PELI2: variants seen among roughly 807,000 people sequenced by gnomAD.
PELI2 encodes E3 ubiquitin-protein ligase pellino homolog 2.
PELI2 carries 23 observed loss-of-function variants against 42.3 expected under a neutral mutation model. The ratio of observed to expected loss-of-function variants is 0.54; its 90% CI spans 0.39 to 0.77. The LOEUF (loss-of-function observed/expected upper bound fraction) is 0.77. Ranked by LOEUF, PELI2 falls within the 30% of genes least tolerant of loss-of-function variation. The pLI, the probability that PELI2 is intolerant of heterozygous loss-of-function variation, is 0.00. For synonymous variants in PELI2, 245 were observed against 212.2 expected, an observed-to-expected ratio of 1.15 and a Z score of -1.34; for missense variants, 463 against 553.2, an observed-to-expected ratio of 0.84 and a Z score of 1.64.
chr14:56,162,014 A>G lies in PELI2; in HGVS notation c.78-16321A>G, dbSNP rs190713867. Among the ~76,000 whole-genome samples, 697 of 152,182 alleles carry G rather than the reference A, an allele frequency of 4.6e-3. 1 individual carries two copies. The highest frequency in any genetic ancestry group is 0.016 in the African/African-American group (648 of 41,524). The stretch of plus-strand genomic sequence containing the variant: ...ATTTTGGTGGGTGCACAGTAGGTGT[A>G]TATATTTAGGGGTACATGAGATGTT... On this transcript the variant is annotated intron_variant, in intron 1 of 5. Coordinates refer to ENST00000267460, the MANE Select transcript of PELI2 (RefSeq NM_021255.3).
chr14:56,188,287 C>T (rs1162475632), intron 2 of PELI2, among the ~76,000 whole-genome samples: 1 of 152,204 alleles, frequency 6.6e-6, no homozygotes, highest in African/African-American at 2.4e-5. Flanking sequence ...TGCTTTGGGA[C>T]AGTCACTTGT....
chr14:56,160,273 A>G (rs1884710895), intron 1 of PELI2, among the ~76,000 whole-genome samples: 1 of 152,128 alleles, frequency 6.6e-6, no homozygotes, highest in Non-Finnish European at 1.5e-5. Flanking sequence ...AACCAAAACC[A>G]TATGGTGTTA....
intron 2 of PELI2, among the ~76,000 whole-genome samples, chr14:56,210,120 G>T (rs1279775150): frequency 6.6e-6 from 1 of 151,978 alleles, no homozygotes; most frequent in East Asian, 1.9e-4. Flanking sequence ...GGTAAATTTT[G>T]CCTGGTTCTT....
At chr14:56,187,207 T>G (rs1216258691) in intron 2 of PELI2, among the ~76,000 whole-genome samples, 3 of 152,194 alleles carry the variant, frequency 2.0e-5, no homozygotes, top group Non-Finnish European at 4.4e-5. Flanking sequence ...CTGCTCCTCA[T>G]TTTTCCACGT....
At chr14:56,271,010 C>T (rs949151945) in intron 2 of PELI2, among the ~76,000 whole-genome samples, 2 of 152,046 alleles carry the variant, frequency 1.3e-5, no homozygotes, top group Non-Finnish European at 2.9e-5. Flanking sequence ...TTCTTCTGCC[C>T]GATGTTTAAG....
intron 2 of PELI2, among the ~76,000 whole-genome samples, chr14:56,204,354 G>T (rs1886440917): frequency 6.6e-6 from 1 of 152,180 alleles, no homozygotes; most frequent in Non-Finnish European, 1.5e-5. Flanking sequence ...TAATGTGGAT[G>T]CTTGGATCAG....
At chr14:56,201,252 T>C (rs1443241626) in intron 2 of PELI2, among the ~76,000 whole-genome samples, 1 of 152,182 alleles carries the variant, frequency 6.6e-6, no homozygotes, top group African/African-American at 2.4e-5. Context: ...TTGCTGGTGG[T>C]TTTTCCATGA....
chr14:56,215,451 A>C (rs529610477), intron 2 of PELI2, among the ~76,000 whole-genome samples: 1 of 152,218 alleles, frequency 6.6e-6, no homozygotes, highest in Non-Finnish European at 1.5e-5. Flanking sequence ...GGTTTCCTCA[A>C]TAGGTAGGTA....
chr14:56,169,363 T>C (rs996096291), intron 1 of PELI2, among the ~76,000 whole-genome samples: 41 of 152,190 alleles, frequency 2.7e-4, no homozygotes, highest in Admixed American at 2.5e-3. Context: ...TTGCGGGGAC[T>C]CAAGTTCAGA....
chr14:56,221,815 G>A (rs988320014), intron 2 of PELI2, among the ~76,000 whole-genome samples: 5 of 152,246 alleles, frequency 3.3e-5, no homozygotes, highest in South Asian at 2.1e-4. Flanking sequence ...CCCTTGAGAC[G>A]AATTGCTTGG....
intron 2 of PELI2, among the ~76,000 whole-genome samples, chr14:56,245,838 A>C (rs944911793): frequency 6.6e-6 from 1 of 152,238 alleles, no homozygotes; most frequent in African/African-American, 2.4e-5. Context: ...GCATTGTTTT[A>C]GATGTTGTAA....
intron 2 of PELI2, among the ~76,000 whole-genome samples, chr14:56,212,477 G>T (rs560866905): frequency 6.6e-5 from 10 of 152,258 alleles, no homozygotes; most frequent in African/African-American, 2.4e-4. Context: ...CCCTGGGATT[G>T]GGGGGAGAGA....
chr14:56,274,540 A>G (rs1020467187), intron 2 of PELI2, among the ~76,000 whole-genome samples: 12 of 152,238 alleles, frequency 7.9e-5, no homozygotes, highest in Non-Finnish European at 1.5e-4. Flanking sequence ...TACATTTTAT[A>G]TAAGTGCCTT....
chr14:56,240,815 C>G (rs1887948054), intron 2 of PELI2, among the ~76,000 whole-genome samples: 1 of 152,064 alleles, frequency 6.6e-6, no homozygotes, highest in African/African-American at 2.4e-5. Flanking sequence ...AAGGCTGAAG[C>G]CTGGATACTT....
At chr14:56,155,726 C>T (rs1264226891) in intron 1 of PELI2, among the ~76,000 whole-genome samples, 2 of 150,662 alleles carry the variant, frequency 1.3e-5, no homozygotes, top group African/African-American at 4.9e-5. Flanking sequence ...GCACTACAGG[C>T]GCTCGCCACC....
intron 1 of PELI2, among the ~76,000 whole-genome samples, chr14:56,157,531 T>TCC (rs146199009): frequency 6.6e-6 from 1 of 151,972 alleles, no homozygotes; most frequent in African/African-American, 2.4e-5. Flanking sequence ...ATAAAATCAC[T>TCC]CCCCCCCAAA....
intron 2 of PELI2, among the ~76,000 whole-genome samples, chr14:56,227,308 T>C (rs1243046692): frequency 6.6e-6 from 1 of 151,938 alleles, no homozygotes; most frequent in Non-Finnish European, 1.5e-5. Context: ...CAACTCAGGG[T>C]GTTTGAGCCC....
intron 2 of PELI2, among the ~76,000 whole-genome samples, chr14:56,214,377 T>A (rs1295465372): frequency 1.3e-5 from 2 of 152,242 alleles, no homozygotes; most frequent in Non-Finnish European, 2.9e-5. Context: ...TTTTGGATGT[T>A]GGTGGTATTC....
At chr14:56,214,745 C>T (rs1886837150) in intron 2 of PELI2, among the ~76,000 whole-genome samples, 1 of 152,110 alleles carries the variant, frequency 6.6e-6, no homozygotes, top group Non-Finnish European at 1.5e-5. Flanking sequence ...GATATACATA[C>T]AATGAGGGGC....
Sources: allele counts gnomAD v4.1 joint callset (sites outside exome capture counted in the v4.1 genomes callset), GRCh38; gene constraint gnomAD v4.1.1; transcripts MANE v1.5; gene names NCBI Gene and HGNC (gene_info 2026-07-23, HGNC 2026-07-21).